The following PCDHGA12 variants were observed in gnomAD, a reference collection of about 807,000 sequenced individuals.
PCDHGA12 encodes protocadherin gamma subfamily A, 12.
In PCDHGA12, 43 loss-of-function variants were observed where a neutral mutation model predicts 61.1. The observed-to-expected ratio is 0.70, with a 90% CI of 0.55 to 0.91. PCDHGA12 has a LOEUF of 0.91. Among genes scored for constraint, PCDHGA12 ranks in the 40% least tolerant of loss-of-function variants. The pLI is 0.00. For synonymous variants in PCDHGA12, 520 were observed against 542.9 expected (o/e 0.96, Z 0.59); for missense variants, 1,236 against 1,227.7 (o/e 1.01, Z -0.10).
intron 1 of PCDHGA12, among the ~76,000 whole-genome samples, chr5:141,446,891 C>T (rs1457416718): frequency 6.6e-6 from 1 of 152,152 alleles, no homozygotes; most frequent in South Asian, 2.1e-4. Context: ...GGGTTCATGG[C>T]TGAGCTACTT....
At chr5:141,449,521 G>A (rs1238503983) in intron 1 of PCDHGA12, among the ~76,000 whole-genome samples, 4 of 150,262 alleles carry the variant, frequency 2.7e-5, no homozygotes, top group African/African-American at 9.8e-5. Flanking sequence ...CCTGGGAGGC[G>A]GAGGTTGCAG....
chr5:141,506,742 A>G (rs1475692668), intron 3 of PCDHGA12, among the ~76,000 whole-genome samples: 5 of 152,172 alleles, frequency 3.3e-5, no homozygotes, highest in Non-Finnish European at 7.3e-5. Context: ...AATGCCTATT[A>G]ATAAAGACTA....
chr5:141,439,289 T>C (rs1454088176), intron 1 of PCDHGA12, among the ~76,000 whole-genome samples: 1 of 151,850 alleles, frequency 6.6e-6, no homozygotes, highest in African/African-American at 2.4e-5. Flanking sequence ...CTGTGTTCCA[T>C]GGAAAAAGTA....
intron 1 of PCDHGA12, chr5:141,440,709 A>C (rs1351127132): frequency 1.3e-5 from 2 of 152,216 alleles, no homozygotes; most frequent in Non-Finnish European, 2.9e-5. Context: ...GTGGAAAGAC[A>C]TATGTTGATC....
chr5:141,438,074 T>C (rs963146682), intron 1 of PCDHGA12, among the ~76,000 whole-genome samples: 10 of 152,116 alleles, frequency 6.6e-5, no homozygotes, highest in African/African-American at 2.4e-4. Flanking sequence ...CCATACTTAA[T>C]GGAAAATTAC....
intron 1 of PCDHGA12, among the ~76,000 whole-genome samples, chr5:141,443,369 C>T (rs1403494558): frequency 6.6e-6 from 1 of 151,848 alleles, no homozygotes; most frequent in African/African-American, 2.4e-5. Context: ...CCTGTGGTCT[C>T]AGCTACTTGG....
At chr5:141,438,018 G>A (rs959672278) in intron 1 of PCDHGA12, among the ~76,000 whole-genome samples, 1 of 152,082 alleles carries the variant, frequency 6.6e-6, no homozygotes, top group African/African-American at 2.4e-5. Context: ...TGAGATTACA[G>A]GTGTGAGCCA....
At chr5:141,471,111 C>T (rs529680278) in intron 1 of PCDHGA12, among the ~76,000 whole-genome samples, 1 of 146,150 alleles carries the variant, frequency 6.8e-6, no homozygotes, top group African/African-American at 2.6e-5. Flanking sequence ...TGCAGTGGTG[C>T]GATCTTACCT....
intron 1 of PCDHGA12, among the ~76,000 whole-genome samples, chr5:141,483,709 G>A (rs1486825412): frequency 1.3e-5 from 2 of 152,036 alleles, no homozygotes; most frequent in Non-Finnish European, 2.9e-5. Flanking sequence ...TTTGACACCA[G>A]AATATTGGTT....
intron 1 of PCDHGA12, among the ~76,000 whole-genome samples, chr5:141,462,798 C>A (rs1458659959): frequency 6.6e-6 from 1 of 152,072 alleles, no homozygotes; most frequent in Non-Finnish European, 1.5e-5. Flanking sequence ...ATTTGCATGT[C>A]TAATAATGTT....
chr5:141,499,404 T>G (rs1468724077), intron 2 of PCDHGA12, among the ~76,000 whole-genome samples: 3 of 152,178 alleles, frequency 2.0e-5, no homozygotes, highest in African/African-American at 7.2e-5. Context: ...ACATGCTCAT[T>G]ATAGAAACAT....
At chr5:141,507,106 A>T (rs1205648425) in intron 3 of PCDHGA12, 1 of 152,118 alleles carries the variant, frequency 6.6e-6, no homozygotes, top group African/African-American at 2.4e-5. Context: ...TACTATAGGG[A>T]CCATGGCTGC....
At chr5:141,464,009 T>C (rs1187492781) in intron 1 of PCDHGA12, among the ~76,000 whole-genome samples, 1 of 151,950 alleles carries the variant, frequency 6.6e-6, no homozygotes. Context: ...CTCATGCTTG[T>C]AATCCCACAC....
chr5:141,451,095 T>G (rs1158753327), intron 1 of PCDHGA12, among the ~76,000 whole-genome samples: 2 of 152,180 alleles, frequency 1.3e-5, no homozygotes, highest in African/African-American at 4.8e-5. Context: ...CCCAAAGTGT[T>G]GGGATTACAG....
intron 1 of PCDHGA12, among the ~76,000 whole-genome samples, chr5:141,438,976 C>T (rs2098079529): frequency 6.6e-6 from 1 of 151,928 alleles, no homozygotes; most frequent in Non-Finnish European, 1.5e-5. Context: ...AACTGTCTGA[C>T]TTATCTTAAA....
chr5:141,483,946 T>C (rs374723616), intron 1 of PCDHGA12, among the ~76,000 whole-genome samples: 127 of 148,696 alleles, frequency 8.5e-4, no homozygotes, highest in Non-Finnish European at 1.5e-3. Flanking sequence ...ACGGTGTGAA[T>C]TGTGTTGTGT....
At chr5:141,480,285 T>C (rs1369369395) in intron 1 of PCDHGA12, among the ~76,000 whole-genome samples, 1 of 151,924 alleles carries the variant, frequency 6.6e-6, no homozygotes, top group East Asian at 1.9e-4. Flanking sequence ...TGTGTTGGCA[T>C]GCACCTGTGG....
rs1335023784 is a variant in PCDHGA12 at position 141,490,877 on chromosome 5, C to CCAA, written c.2425-3927_2425-3925dup. 2.5e-6 allele frequency: 4 copies of CCAA among 1,613,762 alleles called. No homozygotes were observed. Among genetic ancestry groups the CCAA allele is most frequent in the Non-Finnish European group, 3.4e-6 (4 of 1,179,908 alleles). On this transcript the variant is annotated intron_variant, in intron 1 of 3. Transcript: ENST00000252085. This position sits in a 1 kb window ranked among gnomAD's most constrained non-coding sequence, Gnocchi z 5.4. ...GACTCCGGCTCTCCCCCATTGCATG[C>CCAA]CAACACATCTCTGCATGTGTTTGTC...
Position 141,431,529 on chromosome 5 carries a change from T to C in PCDHGA12, c.770T>C (p.Leu257Ser), listed in dbSNP as rs145601545. 166 of 1,614,074 alleles carry C rather than the reference T, an allele frequency of 1.0e-4. No individual in the cohort carries two copies. In the African/African-American group the frequency reaches 2.0e-3, roughly 19 times the overall value. Residue 257 changes from leucine to serine, a missense_variant, in exon 1 of 4, where the codon TTG becomes TCG. Coordinates refer to ENST00000252085, the MANE Select transcript of PCDHGA12 (RefSeq NM_003735.3). The surrounding 1 kb of genome is among the most constrained non-coding windows in gnomAD (Gnocchi z 4.8). The stretch of plus-strand genomic sequence containing the variant: ...GCGAGCGTTCCGGAGAATCTGGCCT[T>C]GGGCACGCAGCTGCTTGTAGTCAAC... ...YRASVPENLA[L>S]GTQLLVVNAT... is the part of the protein sequence containing the mutation.
Sources: allele counts gnomAD v4.1 joint callset (sites outside exome capture counted in the v4.1 genomes callset), GRCh38; gene constraint gnomAD v4.1.1; non-coding constraint Gnocchi (gnomAD v3.1); transcripts MANE v1.5; gene names NCBI Gene and HGNC (gene_info 2026-07-23, HGNC 2026-07-21).